FHL2: variants seen among roughly 807,000 people sequenced by gnomAD.
FHL2 encodes the protein four and a half LIM domains 2.
FHL2 carries 20 observed loss-of-function variants against 32.7 expected under a neutral mutation model. The observed-to-expected ratio is 0.61, with a 90% CI of 0.43 to 0.89. FHL2 has a LOEUF of 0.89. Among genes scored for constraint, FHL2 ranks in the 40% least tolerant of loss-of-function variants. FHL2 has a pLI of 0.00. For missense variants in FHL2, 311 were observed against 358.6 expected, an observed-to-expected ratio of 0.87 and a Z score of 1.07; for synonymous variants, 123 against 128.1, an observed-to-expected ratio of 0.96 and a Z score of 0.27.
chr2:105,434,455 C>T (rs1684527378), intron 1 of FHL2, among the ~76,000 whole-genome samples: 1 of 152,132 alleles, frequency 6.6e-6, no homozygotes, highest in Non-Finnish European at 1.5e-5. Context: ...GTAATCCCAG[C>T]TACTCAGGAG....
intron 2 of FHL2, among the ~76,000 whole-genome samples, chr2:105,396,190 C>G (rs890545149): frequency 8.5e-5 from 13 of 152,166 alleles, no homozygotes; most frequent in African/African-American, 3.1e-4. Flanking sequence ...TGATTTAGCT[C>G]ACACAATTAC....
At chr2:105,418,755 G>A (rs770900816) in intron 1 of FHL2, among the ~76,000 whole-genome samples, 1 of 152,070 alleles carries the variant, frequency 6.6e-6, no homozygotes, top group African/African-American at 2.4e-5. Context: ...TCCACTGTGG[G>A]GCTGAAAATA....
In FHL2 at chr2:105,425,468, A is replaced by G. The variant is rs1053839213; in HGVS notation, c.-25+12931T>C. On this transcript the variant is annotated intron_variant, in intron 1 of 5. Transcript: ENST00000393352. Reference sequence around the variant, plus strand: ...GAAAGACCTGACTGTCCCCCAGCCCAACACCCGTAAAGGGTCTGTGCTGAG... The same window carrying G: ...GAAAGACCTGACTGTCCCCCAGCCCGACACCCGTAAAGGGTCTGTGCTGAG... 3.0e-4 allele frequency among the ~76,000 whole-genome samples: 45 copies of G among 152,012 alleles called. 1 individual carries two copies. Among genetic ancestry groups the G allele is most frequent in the African/African-American group, 1.1e-3 (45 of 41,464 alleles).
intron 1 of FHL2, among the ~76,000 whole-genome samples, chr2:105,408,597 C>G (rs1191769729): frequency 6.6e-6 from 1 of 152,206 alleles, no homozygotes; most frequent in African/African-American, 2.4e-5. Context: ...ACAACTGGCA[C>G]GTGGATGCAG....
At chr2:105,413,367 A>G (rs1416034748) in intron 1 of FHL2, among the ~76,000 whole-genome samples, 1 of 152,022 alleles carries the variant, frequency 6.6e-6, no homozygotes, top group Non-Finnish European at 1.5e-5. Context: ...TTTTCTTTCC[A>G]CTCTCTTTTA....
chr2:105,408,678 C>T (rs186004501), intron 1 of FHL2, among the ~76,000 whole-genome samples: 87 of 152,272 alleles, frequency 5.7e-4, no homozygotes, highest in African/African-American at 2.0e-3. Context: ...CACATGATGG[C>T]CCTGATCCTA....
chr2:105,363,480 A>G lies in FHL2; in HGVS notation c.502-9T>C. On this transcript the variant is annotated splice_polypyrimidine_tract_variant and intron_variant, in intron 5 of 6. Transcript: ENST00000530340. ...CCTCCCGTGGTGATGGGCTGCAGGG[A>G]CGAGGGGGAGAGTTAGTGTGGCCTC... 1 of 1,599,154 alleles carries G rather than the reference A, an allele frequency of 6.3e-7. No homozygotes were observed. The highest frequency in any genetic ancestry group is 8.5e-7 in the Non-Finnish European group (1 of 1,172,618).
rs142451897 is a variant in FHL2, at chr2:105,432,300, T to C, written c.-25+6099A>G. Among the ~76,000 whole-genome samples, 484 of 152,352 alleles carry C rather than the reference T, an allele frequency of 3.2e-3. 4 individuals carry two copies. Among genetic ancestry groups the C allele is most frequent in the African/African-American group, 0.01 (433 of 41,584 alleles). ...AGGGACCTAAAAGGAGTTTGTCTCA[T>C]GCACTTTCCACATCTCAGCTTTATG... is the stretch of plus-strand genomic sequence containing the variant. On this transcript the variant is annotated intron_variant, in intron 1 of 5. Coordinates refer to the FHL2 transcript ENST00000393352.
At chr2:105,417,268 G>C (rs1002183893) in intron 1 of FHL2, among the ~76,000 whole-genome samples, 1 of 152,138 alleles carries the variant, frequency 6.6e-6, no homozygotes, top group African/African-American at 2.4e-5. Flanking sequence ...TGTAATCCCA[G>C]CTACTCGGGA....
chr2:105,364,758 A>G (rs1226608556), intron 5 of FHL2, among the ~76,000 whole-genome samples: 1 of 152,186 alleles, frequency 6.6e-6, no homozygotes, highest in Non-Finnish European at 1.5e-5. Context: ...CTTTACATAA[A>G]GCTTGTGAAG....
At chr2:105,415,903 C>G (rs17030868) in intron 1 of FHL2, among the ~76,000 whole-genome samples, 3,190 of 152,218 alleles carry the variant, frequency 0.021, 103 homozygotes, top group African/African-American at 0.069. Context: ...GCAAAAAATA[C>G]GTCTTTGACT....
intron 3 of FHL2, chr2:105,378,649 C>T (rs1410356346): frequency 1.3e-5 from 2 of 156,526 alleles, no homozygotes; most frequent in Non-Finnish European, 2.8e-5. Context: ...GCCATCTGCA[C>T]TCAGCTCCGC....
intron 1 of FHL2, among the ~76,000 whole-genome samples, chr2:105,418,089 T>C (rs537201069): frequency 2.0e-5 from 3 of 152,330 alleles, no homozygotes; most frequent in South Asian, 4.1e-4. Context: ...GAAGTCATTA[T>C]ATTTTGTAAT....
intron 1 of FHL2, among the ~76,000 whole-genome samples, chr2:105,421,158 G>A (rs984903282): frequency 1.6e-4 from 25 of 152,226 alleles, no homozygotes; most frequent in African/African-American, 6.0e-4. Flanking sequence ...AATCCAATGG[G>A]AAGAAAGTGA....
chr2:105,409,974 A>T (rs901920342), intron 1 of FHL2, among the ~76,000 whole-genome samples: 2 of 152,238 alleles, frequency 1.3e-5, no homozygotes, highest in Non-Finnish European at 2.9e-5. Context: ...GATCAGGAAT[A>T]CCAGGAGCTC....
At chr2:105,403,500 A>G (rs1683535569), upstream of FHL2, among the ~76,000 whole-genome samples, 1 of 152,176 alleles carries the variant, frequency 6.6e-6, no homozygotes, top group South Asian at 2.1e-4. Flanking sequence ...AGGCACAGCT[A>G]GGAAGGGAGG....
chr2:105,368,380 G>A (rs1680787986), intron 4 of FHL2, among the ~76,000 whole-genome samples: 1 of 152,070 alleles, frequency 6.6e-6, no homozygotes, highest in South Asian at 2.1e-4. Context: ...CACCCAGGCT[G>A]GAGTGCAGTG....
chr2:105,433,586 C>T (rs559905125), intron 1 of FHL2, among the ~76,000 whole-genome samples: 1 of 152,242 alleles, frequency 6.6e-6, no homozygotes, highest in East Asian at 1.9e-4. Context: ...AATCTGGCTT[C>T]CCCTGTACTG....
At chr2:105,405,235 CT>C (rs1236515088) in intron 1 of FHL2, among the ~76,000 whole-genome samples, 1 of 152,032 alleles carries the variant, frequency 6.6e-6, no homozygotes, top group East Asian at 1.9e-4. Flanking sequence ...TCTTTTTTTC[CT>C]CTGTCAATGA....
Sources: allele counts gnomAD v4.1 joint callset (sites outside exome capture counted in the v4.1 genomes callset), GRCh38; gene constraint gnomAD v4.1.1; transcripts MANE v1.5; gene names NCBI Gene and HGNC (gene_info 2026-07-23, HGNC 2026-07-21).